Variants in RRAS2 observed in about 807,000 individuals in gnomAD.
The protein encoded by RRAS2 is ras-related protein R-Ras2.
RRAS2 carries 7 observed loss-of-function variants against 27.6 expected under a neutral mutation model. The observed-to-expected ratio is 0.25, with a 90% CI of 0.14 to 0.48. The LOEUF is 0.48. Among genes scored for constraint, RRAS2 ranks in the 20% least tolerant of loss-of-function variants. The probability of loss-of-function intolerance (pLI) is 0.99; values close to 1 mark genes in which losing one functional copy is unlikely to be tolerated. For synonymous variants in RRAS2, 86 were observed against 90.9 expected (o/e 0.95, Z 0.31); for missense variants, 178 against 256.2 (o/e 0.69, Z 2.08).
chr11:14,361,391 T>C (rs1017013225), upstream of RRAS2, among the ~76,000 whole-genome samples: 102 of 152,260 alleles, frequency 6.7e-4, no homozygotes, highest in African/African-American at 2.2e-3. Context: ...AACAAAATTG[T>C]TGTGGCTCAT....
At chr11:14,362,739 G>A (rs1849206577), upstream of RRAS2, among the ~76,000 whole-genome samples, 1 of 152,142 alleles carries the variant, frequency 6.6e-6, no homozygotes, top group Non-Finnish European at 1.5e-5. Flanking sequence ...ATGTCACCTA[G>A]CAAGTTGTTA....
chr11:14,342,965 C>G (rs1489079439), intron 1 of RRAS2, among the ~76,000 whole-genome samples: 2 of 152,062 alleles, frequency 1.3e-5, no homozygotes, highest in Non-Finnish European at 2.9e-5. Flanking sequence ...ATTACTAGAT[C>G]CATTTTAAGT....
rs1262978732 is a variant in RRAS2 at position 14,278,866 on chromosome 11, T to G, written c.*471A>C. ...GATGGTTCACTTTTGTAGATTCAATTCAGTGTATTTAAGGTTAACAAAGGC... is the reference window on the plus strand; with the variant it reads ...GATGGTTCACTTTTGTAGATTCAATGCAGTGTATTTAAGGTTAACAAAGGC... On this transcript the variant is annotated 3_prime_UTR_variant, in exon 6 of 6. Transcript: ENST00000256196. The G allele has an allele frequency of 1.3e-5, 2 of 155,262 alleles. No homozygotes were observed. Among genetic ancestry groups the G allele is most frequent in the East Asian group, 3.8e-4 (2 of 5,256 alleles). 9.6% of individuals were successfully genotyped at this position (155,262 alleles called of 1,614,324 possible).
At chr11:14,345,761 A>T (rs923318061) in intron 1 of RRAS2, among the ~76,000 whole-genome samples, 1 of 152,086 alleles carries the variant, frequency 6.6e-6, no homozygotes, top group Non-Finnish European at 1.5e-5. Flanking sequence ...GGTGTAGTAA[A>T]ATTTTGTATT....
intron 1 of RRAS2, among the ~76,000 whole-genome samples, chr11:14,355,665 G>A (rs560374570): frequency 1.0e-3 from 159 of 152,138 alleles, no homozygotes; most frequent in African/African-American, 3.5e-3. Context: ...TAAATTCTCC[G>A]TTCCCAATTT....
At chr11:14,284,626 A>G (rs1012367067) in intron 4 of RRAS2, among the ~76,000 whole-genome samples, 1 of 151,984 alleles carries the variant, frequency 6.6e-6, no homozygotes, top group Non-Finnish European at 1.5e-5. Context: ...GAATTTGTCT[A>G]TTTTTCCTTG....
In RRAS2 at chr11:14,285,828, T is replaced by C. The variant is rs563598166; in HGVS notation, c.409-4108A>G. Among the ~76,000 whole-genome samples, 5 of 152,352 alleles carry C rather than the reference T, an allele frequency of 3.3e-5. No individual in the cohort carries two copies. In the South Asian group the frequency reaches 6.2e-4, roughly 19 times the overall value. On this transcript the variant is annotated intron_variant, in intron 4 of 5. Transcript: ENST00000256196. ...CCATCCTTATCTTTGTTCTTCCATA[T>C]GTAATGTGCTCTTTTCCCCCCGTCT...
At chr11:14,331,120 C>T (rs1848472405) in intron 1 of RRAS2, among the ~76,000 whole-genome samples, 1 of 152,096 alleles carries the variant, frequency 6.6e-6, no homozygotes, top group Non-Finnish European at 1.5e-5. Flanking sequence ...ATTTAAAGCC[C>T]TGGGAGAATA....
At chr11:14,292,154 C>G (rs782317690) in intron 4 of RRAS2, among the ~76,000 whole-genome samples, 1 of 152,094 alleles carries the variant, frequency 6.6e-6, no homozygotes, top group African/African-American at 2.4e-5. Flanking sequence ...TAGGGATCCT[C>G]AATCTGGTGT....
At chr11:14,313,549 G>A (rs2133986547) in intron 1 of RRAS2, among the ~76,000 whole-genome samples, 1 of 152,304 alleles carries the variant, frequency 6.6e-6, no homozygotes, top group East Asian at 1.9e-4. Context: ...GGTCTTTACA[G>A]TTATTAAAGT....
chr11:14,362,803 A>G (rs1013605165), upstream of RRAS2, among the ~76,000 whole-genome samples: 7 of 152,196 alleles, frequency 4.6e-5, no homozygotes, highest in Non-Finnish European at 1.0e-4. Context: ...ACTTTGCTCC[A>G]TGCCAAGCTG....
intron 1 of RRAS2, among the ~76,000 whole-genome samples, chr11:14,319,345 C>CTTTTTTTTTTTT (rs1156654694): frequency 1.1e-5 from 1 of 91,516 alleles, no homozygotes; most frequent in Admixed American, 1.6e-4. Flanking sequence ...TTCCCTCTGT[C>CTTTTTTTTTTTT]TTTTTTTTTT....
intron 1 of RRAS2, among the ~76,000 whole-genome samples, chr11:14,327,627 G>A (rs1848390289): frequency 6.6e-6 from 1 of 152,062 alleles, no homozygotes; most frequent in Non-Finnish European, 1.5e-5. Context: ...CAAATTATTT[G>A]TATGACTGCT....
At chr11:14,327,642 G>C (rs2134005682) in intron 1 of RRAS2, among the ~76,000 whole-genome samples, 1 of 152,168 alleles carries the variant, frequency 6.6e-6, no homozygotes, top group South Asian at 2.1e-4. Flanking sequence ...ACTGCTACCA[G>C]AATTTTAATA....
At chr11:14,345,788 C>T (rs1306394120) in intron 1 of RRAS2, among the ~76,000 whole-genome samples, 10 of 152,194 alleles carry the variant, frequency 6.6e-5, no homozygotes, top group Admixed American at 5.9e-4. Context: ...AATTCTGCTA[C>T]TGATAATCTC....
intron 4 of RRAS2, among the ~76,000 whole-genome samples, chr11:14,286,361 G>T (rs1054451082): frequency 9.2e-5 from 14 of 152,112 alleles, no homozygotes; most frequent in Admixed American, 1.3e-4. Flanking sequence ...CAGTTATTTG[G>T]AAATACATTA....
In RRAS2 at chr11:14,358,785, G is replaced by A; in HGVS notation, c.86C>T (p.Ala29Val). The change falls in exon 1 of 6, where the codon GCG (alanine) becomes GTG (valine). Residue 29 changes from alanine to valine, a missense_variant. Coordinates refer to ENST00000256196, the MANE Select transcript of RRAS2 (RefSeq NM_012250.6). This position sits in a 1 kb window ranked among gnomAD's most constrained non-coding sequence, Gnocchi z 5.1. ...TACCTGGATGAACTGGATGGTGAGC[G>A]CCGACTTGCCCACGCCGCCCCCGCC... ...VVGGGGVGKS[A>V]LTIQFIQSYF... The A allele has an allele frequency of 2.0e-6, 3 of 1,477,684 alleles. No homozygotes were observed. Among genetic ancestry groups the A allele is most frequent in the Admixed American group, 1.9e-5 (1 of 51,538 alleles). 91.5% of individuals were successfully genotyped at this position (1,477,684 alleles called of 1,614,324 possible).
At chr11:14,356,980 G>T (rs1849091276) in intron 1 of RRAS2, among the ~76,000 whole-genome samples, 1 of 151,758 alleles carries the variant, frequency 6.6e-6, no homozygotes, top group African/African-American at 2.4e-5. Context: ...TAGAGACGGG[G>T]TTTCACTATA....
At chr11:14,306,907 A>C (rs1403132258) in intron 1 of RRAS2, among the ~76,000 whole-genome samples, 1 of 151,032 alleles carries the variant, frequency 6.6e-6, no homozygotes, top group Non-Finnish European at 1.5e-5. Context: ...AAAAAAAAAA[A>C]AGGCCGGGCG....
Sources: allele counts gnomAD v4.1 joint callset (sites outside exome capture counted in the v4.1 genomes callset), GRCh38; gene constraint gnomAD v4.1.1; non-coding constraint Gnocchi (gnomAD v3.1); transcripts MANE v1.5; gene names NCBI Gene and HGNC (gene_info 2026-07-23, HGNC 2026-07-21).